Variants in IMPA2 observed in about 807,000 individuals in gnomAD.
The protein encoded by IMPA2 is inositol monophosphatase 2.
A neutral mutation model predicts 35.1 loss-of-function variants in IMPA2; 32 were observed. That is an observed-to-expected ratio of 0.91 (90% CI 0.69 to 1.23). The LOEUF is 1.23. Among genes scored for constraint, IMPA2 ranks in the 50% most tolerant of loss-of-function variants. IMPA2 has a pLI of 0.00. For synonymous variants in IMPA2, 135 were observed against 160.6 expected (o/e 0.84, Z 1.20); for missense variants, 334 against 387.6 (o/e 0.86, Z 1.16).
chr18:12,006,207 C>A (rs528256152), intron 2 of IMPA2, among the ~76,000 whole-genome samples: 1 of 152,342 alleles, frequency 6.6e-6, no homozygotes, highest in African/African-American at 2.4e-5. Flanking sequence ...CTGTGTGTCT[C>A]CTGCAGGCTG....
intron 5 of IMPA2, among the ~76,000 whole-genome samples, chr18:12,017,374 A>G (rs964374069): frequency 1.3e-5 from 2 of 152,182 alleles, no homozygotes; most frequent in East Asian, 1.9e-4. Context: ...CTGCTCTCTT[A>G]CAAATACAAT....
At chr18:12,014,169 C>T (rs548546143) in intron 4 of IMPA2, 96 bp from the exon 5 acceptor site, 18 of 835,680 alleles carry the variant, frequency 2.2e-5, no homozygotes, top group African/African-American at 8.3e-5. Flanking sequence ...GTTATCCTAA[C>T]GCCTAGCGCA....
At position 11,991,636 on chromosome 18, in the gene IMPA2, GTT is replaced by G. The variant is rs566640393; in HGVS notation, c.97-7417_97-7416del. Reference sequence around the variant, plus strand: ...CTGGAGACGCGGAGAGACAGCTGATGTTCCAGTTTGAAGGCCATAGGGCAGGA... The same window carrying G: ...CTGGAGACGCGGAGAGACAGCTGATGCCAGTTTGAAGGCCATAGGGCAGGA... On this transcript the variant is annotated intron_variant, in intron 1 of 7. Coordinates refer to ENST00000269159, the MANE Select transcript of IMPA2 (RefSeq NM_014214.3). The surrounding 1 kb of genome is among the most constrained non-coding windows in gnomAD (Gnocchi z 4.1). Among the ~76,000 whole-genome samples, 88 of 152,306 alleles carry G rather than the reference GTT, an allele frequency of 5.8e-4. No homozygotes were observed. The highest frequency in any genetic ancestry group is 2.0e-3 in the African/African-American group (82 of 41,576).
chr18:12,002,472 T>C (rs1333220753), intron 2 of IMPA2, among the ~76,000 whole-genome samples: 1 of 152,140 alleles, frequency 6.6e-6, no homozygotes, highest in Non-Finnish European at 1.5e-5. Context: ...CAAAGAATGA[T>C]AAGGTTTAAA....
chr18:12,021,920 G>A (rs980469486), intron 5 of IMPA2: 5 of 152,152 alleles, frequency 3.3e-5, no homozygotes, highest in African/African-American at 1.2e-4. Context: ...ACCAGAGCAA[G>A]GGTTTCCAAA....
chr18:11,989,416 C>A (rs377076146), intron 1 of IMPA2, among the ~76,000 whole-genome samples: 2 of 152,124 alleles, frequency 1.3e-5, no homozygotes, highest in Non-Finnish European at 2.9e-5. Flanking sequence ...GGTCAGCCTA[C>A]GTGAGAAATT....
intron 1 of IMPA2, among the ~76,000 whole-genome samples, chr18:11,984,236 C>T (rs1384211555): frequency 6.6e-6 from 1 of 152,240 alleles, no homozygotes; most frequent in Non-Finnish European, 1.5e-5. Flanking sequence ...AATTCCCTCA[C>T]CTGCCCCCTC....
At chr18:12,023,269 G>A (rs748921317) in intron 5 of IMPA2, among the ~76,000 whole-genome samples, 12 of 152,178 alleles carry the variant, frequency 7.9e-5, no homozygotes, top group Non-Finnish European at 1.6e-4. Flanking sequence ...TTGGGTGTAA[G>A]TCTGGCCCCA....
At chr18:12,008,309 T>C (rs1050979748) in intron 2 of IMPA2, 2 of 517,804 alleles carry the variant, frequency 3.9e-6, no homozygotes, top group African/African-American at 1.9e-5. Flanking sequence ...TTTTCACTTA[T>C]TTTCTTTTTC....
At chr18:12,024,329 C>T (rs1348122679) in intron 5 of IMPA2, among the ~76,000 whole-genome samples, 3 of 152,262 alleles carry the variant, frequency 2.0e-5, no homozygotes, top group Non-Finnish European at 4.4e-5. Context: ...ACTAAAAATA[C>T]AAAAATTAGC....
At chr18:12,015,899 A>C (rs1907564081) in intron 5 of IMPA2, among the ~76,000 whole-genome samples, 1 of 152,132 alleles carries the variant, frequency 6.6e-6, no homozygotes, top group African/African-American at 2.4e-5. Flanking sequence ...TGCTCTTGGC[A>C]TCCTGGCTGC....
chr18:12,006,807 T>TA (rs988756126), intron 2 of IMPA2, among the ~76,000 whole-genome samples: 40 of 152,234 alleles, frequency 2.6e-4, no homozygotes, highest in African/African-American at 9.4e-4. Flanking sequence ...CCAGGGTGGT[T>TA]ACAGTGTGTA....
intron 5 of IMPA2, among the ~76,000 whole-genome samples, chr18:12,022,941 ATTTTTT>A (rs35737614): frequency 9.8e-5 from 8 of 81,672 alleles, no homozygotes; most frequent in Non-Finnish European, 1.6e-4. Flanking sequence ...CGCCTGCCTA[ATTTTTT>A]TTTTTTTTTT....
chr18:11,986,444 T>C (rs963302113), intron 1 of IMPA2, among the ~76,000 whole-genome samples: 4 of 152,156 alleles, frequency 2.6e-5, no homozygotes, highest in Non-Finnish European at 5.9e-5. Flanking sequence ...CTCATGACTT[T>C]ATTTATCCTT....
At chr18:12,017,705 C>T (rs1476625021) in intron 5 of IMPA2, 3 of 367,504 alleles carry the variant, frequency 8.2e-6, no homozygotes, top group Non-Finnish European at 1.6e-5. Context: ...TCTCCTGCCT[C>T]ATCCTCCTGA....
intron 5 of IMPA2, among the ~76,000 whole-genome samples, chr18:12,017,032 CTCTT>C (rs1428644745): frequency 2.0e-5 from 3 of 152,218 alleles, no homozygotes; most frequent in Non-Finnish European, 4.4e-5. Context: ...TTCTCCCTCT[CTCTT>C]TCTGCTTCCC....
At position 12,003,209 on chromosome 18, in the gene IMPA2, T is replaced by A. The variant is rs555906487; in HGVS notation, c.230+4022T>A. 3.8e-4 allele frequency among the ~76,000 whole-genome samples: 58 copies of A among 151,326 alleles called. No homozygotes were observed. The South Asian group carries it at 0.01, about 27-fold the overall frequency. On this transcript the variant is annotated intron_variant, in intron 2 of 7. Coordinates refer to ENST00000269159, the MANE Select transcript of IMPA2 (RefSeq NM_014214.3). ...AAACTCTGTCTCAAAAAATAAAAAA[T>A]AAATAAATAAAATTGCTTCTGTCAC...
intron 5 of IMPA2, among the ~76,000 whole-genome samples, chr18:12,027,567 A>ATT (rs138876745): frequency 0.23 from 21,212 of 90,504 alleles, 3,242 homozygotes; most frequent in Middle Eastern, 0.33. Flanking sequence ...AATGATGGTG[A>ATT]TTTTTTTTTT....
Position 12,008,838 on chromosome 18 carries a change from C to T in IMPA2, c.231-1045C>T, listed in dbSNP as rs567146338. 7.2e-5 allele frequency among the ~76,000 whole-genome samples: 11 copies of T among 152,142 alleles called. No homozygotes were observed. The South Asian group carries it at 1.4e-3, about 20-fold the overall frequency. On this transcript the variant is annotated intron_variant, in intron 2 of 7. Coordinates refer to ENST00000269159, the MANE Select transcript of IMPA2 (RefSeq NM_014214.3). The stretch of plus-strand genomic sequence containing the variant: ...TCGGTCAGGTTCCTAGCAGGACAGA[C>T]GCACACTCAAGTGAGGATTGTAGGG...
Sources: gnomAD v4.1 joint callset for allele counts (sites outside exome capture counted in the v4.1 genomes callset) on GRCh38, gnomAD v4.1.1 for gene constraint, Gnocchi (gnomAD v3.1) non-coding constraint, MANE v1.5 for transcripts, NCBI Gene and HGNC (gene_info 2026-07-23, HGNC 2026-07-21) for gene names.